CNTN5: variants seen among roughly 807,000 people sequenced by gnomAD.
CNTN5 encodes contactin 5.
CNTN5 carries 77 observed loss-of-function variants against 129.1 expected under a neutral mutation model. The ratio of observed to expected loss-of-function variants is 0.60; its 90% CI spans 0.50 to 0.72. CNTN5 has a LOEUF of 0.72. Among genes scored for constraint, CNTN5 ranks in the 30% least tolerant of loss-of-function variants. The pLI, the probability that CNTN5 is intolerant of heterozygous loss-of-function variation, is 0.00. For missense variants in CNTN5, 1,478 were observed against 1,328.8 expected, an observed-to-expected ratio of 1.11 and a Z score of -1.75; for synonymous variants, 509 against 465.6, an observed-to-expected ratio of 1.09 and a Z score of -1.20.
At chr11:100,083,889 A>G (rs759557606) in intron 13 of CNTN5, among the ~76,000 whole-genome samples, 42 of 152,142 alleles carry the variant, frequency 2.8e-4, no homozygotes, top group Middle Eastern at 6.8e-3. Context: ...CCACTCCACC[A>G]GTTTGTTTCT....
intron 3 of CNTN5, among the ~76,000 whole-genome samples, chr11:99,688,626 C>T (rs756253641): frequency 1.6e-4 from 24 of 151,950 alleles, no homozygotes; most frequent in Non-Finnish European, 3.2e-4. Context: ...TCTTTTAAGT[C>T]CAGAAATACA....
rs187237275 is a variant in CNTN5 at position 99,031,796 on chromosome 11, A to G, written c.-210+10526A>G. Reference sequence around the variant, plus strand: ...TTTTTATTATTATACTTTAAGTTTTAGGGTACATGTGCACAATGTGCAGGT... The same window carrying G: ...TTTTTATTATTATACTTTAAGTTTTGGGGTACATGTGCACAATGTGCAGGT... On this transcript the variant is annotated intron_variant, in intron 1 of 24. Transcript: ENST00000524871. 2.6e-5 allele frequency among the ~76,000 whole-genome samples: 4 copies of G among 151,552 alleles called. No individual in the cohort carries two copies. The East Asian group carries it at 7.8e-4, about 29-fold the overall frequency.
intron 3 of CNTN5, among the ~76,000 whole-genome samples, chr11:99,749,957 C>T (rs1347162248): frequency 1.3e-5 from 2 of 152,134 alleles, no homozygotes; most frequent in Non-Finnish European, 2.9e-5. Context: ...TTCCTCCTTA[C>T]TGCTTATTGG....
chr11:99,134,821 A>C (rs916565015), intron 1 of CNTN5, among the ~76,000 whole-genome samples: 1 of 152,226 alleles, frequency 6.6e-6, no homozygotes, highest in Non-Finnish European at 1.5e-5. Context: ...TTAGGATCAG[A>C]TTTCTAATGA....
intron 10 of CNTN5, among the ~76,000 whole-genome samples, chr11:100,065,303 C>T (rs752715928): frequency 1.3e-4 from 19 of 151,774 alleles, no homozygotes; most frequent in Non-Finnish European, 2.6e-4. Context: ...TTTCATCCAG[C>T]CCTGTGAATT....
chr11:99,099,720 T>G (rs1340931301), intron 1 of CNTN5, among the ~76,000 whole-genome samples: 1 of 152,146 alleles, frequency 6.6e-6, no homozygotes, highest in African/African-American at 2.4e-5. Context: ...TGTTTTTCTA[T>G]GTAAAATAGG....
intron 13 of CNTN5, among the ~76,000 whole-genome samples, chr11:100,127,634 T>C (rs994188413): frequency 7.3e-5 from 11 of 149,766 alleles, no homozygotes; most frequent in Non-Finnish European, 1.3e-4. Context: ...AAACAGACTT[T>C]CTGACTTTCT....
chr11:99,467,785 C>A (rs1945004577), intron 2 of CNTN5, among the ~76,000 whole-genome samples: 1 of 152,222 alleles, frequency 6.6e-6, no homozygotes, highest in African/African-American at 2.4e-5. Context: ...TTCTTTCTTG[C>A]TCAAATTATC....
At chr11:99,516,681 G>C (rs536129674) in intron 2 of CNTN5, among the ~76,000 whole-genome samples, 1 of 152,078 alleles carries the variant, frequency 6.6e-6, no homozygotes, top group African/African-American at 2.4e-5. Context: ...AAGTACACTT[G>C]TTTTCAAAAT....
At chr11:99,970,500 A>G (rs1951219613) in intron 8 of CNTN5, among the ~76,000 whole-genome samples, 1 of 152,206 alleles carries the variant, frequency 6.6e-6, no homozygotes, top group South Asian at 2.1e-4. Flanking sequence ...TCAATAATGA[A>G]CATGGGGATA....
chr11:99,366,160 C>T (rs1939432596), intron 2 of CNTN5, among the ~76,000 whole-genome samples: 1 of 152,148 alleles, frequency 6.6e-6, no homozygotes, highest in South Asian at 2.1e-4. Context: ...GGTTTGCTCA[C>T]TAATGATTAT....
intron 2 of CNTN5, among the ~76,000 whole-genome samples, chr11:99,327,762 C>T (rs1366168921): frequency 6.6e-6 from 1 of 152,146 alleles, no homozygotes; most frequent in Non-Finnish European, 1.5e-5. Context: ...AGCGGCAAAA[C>T]TGACAGTTTC....
chr11:99,868,798 T>C (rs745403754), intron 6 of CNTN5, among the ~76,000 whole-genome samples: 3 of 152,182 alleles, frequency 2.0e-5, no homozygotes, highest in Non-Finnish European at 4.4e-5. Flanking sequence ...TTTTAGCTGG[T>C]CTTTAATCTC....
At chr11:99,514,989 T>C (rs1044790262) in intron 2 of CNTN5, among the ~76,000 whole-genome samples, 7 of 152,052 alleles carry the variant, frequency 4.6e-5, no homozygotes. Context: ...TAAAAAACGA[T>C]GTGCAATTGT....
rs763109822 is a variant in CNTN5, at chr11:99,637,043, T to TAAAAAAAAAAAAAAAA, written c.55+80777_55+80778insAAAAAAAAAAAAAAAA. 9.6e-3 allele frequency among the ~76,000 whole-genome samples: 913 copies of TAAAAAAAAAAAAAAAA among 95,574 alleles called. 1 individual carries two copies. The highest frequency in any genetic ancestry group is 0.012 in the Non-Finnish European group (575 of 48,590). The allele number at this position is 95,574 out of a possible 152,430, so 62.7% of individuals were successfully genotyped here. A position where few individuals can be genotyped will look rare whatever the true frequency, so the allele number is the denominator to read the frequency against. On this transcript the variant is annotated intron_variant, in intron 3 of 24. Coordinates refer to ENST00000524871, the MANE Select transcript of CNTN5 (RefSeq NM_014361.4). ...AAAAAAAAAAAAAAAAAAAAAAAAG[T>TAAAAAAAAAAAAAAAA]AAATGACTCTGTATTGCAGAATAGG...
chr11:100,240,219 A>AGCCCCCC, intron 16 of CNTN5, among the ~76,000 whole-genome samples: 2 of 149,808 alleles, frequency 1.3e-5, no homozygotes, highest in African/African-American at 5.1e-5. Flanking sequence ...AATTATCAAC[A>AGCCCCCC]CCCCGCCCCA....
At chr11:100,302,806 T>C (rs1432077281) in intron 20 of CNTN5, among the ~76,000 whole-genome samples, 3 of 151,530 alleles carry the variant, frequency 2.0e-5, no homozygotes, top group African/African-American at 7.3e-5. Context: ...CTCCACTCTA[T>C]CCCTTTCTTT....
chr11:99,262,116 T>C (rs2135826329), intron 1 of CNTN5, among the ~76,000 whole-genome samples: 1 of 152,176 alleles, frequency 6.6e-6, no homozygotes, highest in Non-Finnish European at 1.5e-5. Flanking sequence ...AAGCAGGGAT[T>C]AAACTGTGAC....
chr11:99,782,353 C>G (rs1945342205), intron 3 of CNTN5, among the ~76,000 whole-genome samples: 1 of 149,592 alleles, frequency 6.7e-6, no homozygotes, highest in Non-Finnish European at 1.5e-5. Context: ...GAAGAACATT[C>G]CATGCTCATG....
Sources: allele counts gnomAD v4.1 joint callset (sites outside exome capture counted in the v4.1 genomes callset), GRCh38; gene constraint gnomAD v4.1.1; transcripts MANE v1.5; gene names NCBI Gene and HGNC (gene_info 2026-07-23, HGNC 2026-07-21).